The following SYTL5 variants were observed in gnomAD, a reference collection of about 807,000 sequenced individuals.
SYTL5 encodes synaptotagmin like 5.
Under a neutral mutation model 55.9 loss-of-function variants are expected in SYTL5, and 34 were observed. The observed-to-expected ratio is 0.61, with a 90% CI of 0.46 to 0.81. The LOEUF (loss-of-function observed/expected upper bound fraction) is 0.81, where lower values mean the gene tolerates loss of function less well. SYTL5 is among the 30% of genes least tolerant of loss of function. The pLI, the probability that SYTL5 is intolerant of heterozygous loss-of-function variation, is 0.00. For synonymous variants in SYTL5, 221 were observed against 188.7 expected (o/e 1.17, Z -1.40); for missense variants, 637 against 546.7 (o/e 1.17, Z -1.65).
chrX:37,974,125 T>C, the SYTL5 span, among the ~76,000 whole-genome samples: 1 of 111,565 alleles, frequency 9.0e-6, no homozygotes, highest in Non-Finnish European at 1.9e-5. Flanking sequence ...AGAGATATAA[T>C]GTACAGTATG....
intron 1 of SYTL5, among the ~76,000 whole-genome samples, chrX:38,009,610 T>G (rs901642421): frequency 9.0e-6 from 1 of 111,719 alleles, no homozygotes; most frequent in African/African-American, 3.3e-5. Flanking sequence ...TATTTTTTTC[T>G]TTTATTCTCT....
At chrX:37,953,403 C>T in the SYTL5 span, among the ~76,000 whole-genome samples, 1 of 111,141 alleles carries the variant, frequency 9.0e-6, no homozygotes, top group Non-Finnish European at 1.9e-5. Context: ...TTGATTTAAG[C>T]CAAAGAGTAG....
chrX:38,097,466 G>A (rs1300287393), intron 9 of SYTL5, among the ~76,000 whole-genome samples: 1 of 110,578 alleles, frequency 9.0e-6, no homozygotes, highest in African/African-American at 3.3e-5. Context: ...ATAATAGCAT[G>A]AAAAATATTT....
chrX:37,930,078 T>C, the SYTL5 span, among the ~76,000 whole-genome samples: 177 of 110,912 alleles, frequency 1.6e-3, 1 homozygote, highest in Non-Finnish European at 7.8e-4. Flanking sequence ...TATAAAAGGG[T>C]AAGGGCACCT....
At chrX:38,108,781 T>C in intron 12 of SYTL5, 82 bp downstream of exon 12, 1 of 593,971 alleles carries the variant, frequency 1.7e-6, no homozygotes, top group Non-Finnish European at 2.7e-6. Context: ...GAGAATATTT[T>C]ATTTGTGTGT....
At chrX:37,943,106 C>T in the SYTL5 span, among the ~76,000 whole-genome samples, 8 of 112,028 alleles carry the variant, frequency 7.1e-5, no homozygotes, top group African/African-American at 2.6e-4. Flanking sequence ...TTGAATCATT[C>T]CCCTAGAGAG....
At chrX:38,072,692 G>A (rs1244350990) in intron 4 of SYTL5, among the ~76,000 whole-genome samples, 1 of 111,837 alleles carries the variant, frequency 8.9e-6, no homozygotes, top group African/African-American at 3.3e-5. Flanking sequence ...AATGGCATTT[G>A]GTGGGAAGGA....
At position 38,113,541 on chromosome X, in the gene SYTL5, G is replaced by T. The variant is rs768507109; in HGVS notation, c.1596+3059G>T. ...TTTTTTCAGAAAGCAGGAGGTGGTG[G>T]GTGTCATCTGCTTATTTCACATCCA... is the stretch of plus-strand genomic sequence containing the variant. On this transcript the variant is annotated intron_variant, in intron 13 of 16. Transcript: ENST00000297875. Among the ~76,000 whole-genome samples the T allele has an allele frequency of 9.0e-5, 10 of 110,586 alleles. No individual in the cohort carries two copies. In the South Asian group the frequency reaches 4.1e-3, roughly 45 times the overall value.
At chrX:38,077,638 G>A (rs752774974) in intron 6 of SYTL5, among the ~76,000 whole-genome samples, 2 of 109,064 alleles carry the variant, frequency 1.8e-5, no homozygotes, top group African/African-American at 3.3e-5. Flanking sequence ...GCATGCAAGC[G>A]TTACTTTATG....
At chrX:37,943,003 C>G in the SYTL5 span, among the ~76,000 whole-genome samples, 1 of 111,660 alleles carries the variant, frequency 9.0e-6, no homozygotes, top group African/African-American at 3.3e-5. Context: ...AAAATTTGAG[C>G]AAGGGTCCTC....
chrX:37,903,263 C>T, the SYTL5 span, among the ~76,000 whole-genome samples: 21 of 101,383 alleles, frequency 2.1e-4, no homozygotes, highest in East Asian at 9.3e-4. Context: ...ATGTTTATTG[C>T]GGCACTATTC....
the SYTL5 span, among the ~76,000 whole-genome samples, chrX:37,955,651 C>T: frequency 8.1e-5 from 9 of 111,624 alleles, no homozygotes; most frequent in African/African-American, 9.8e-5. Context: ...ATACACTGGC[C>T]GGGAAATGTA....
At chrX:38,006,172 C>T (rs927072), upstream of SYTL5, among the ~76,000 whole-genome samples, 59,425 of 110,005 alleles carry the variant, frequency 0.54, 12,851 homozygotes, top group African/African-American at 0.82. Context: ...TAATATTATA[C>T]ACCTAACACA....
intron 6 of SYTL5, among the ~76,000 whole-genome samples, chrX:38,080,580 C>A (rs751874834): frequency 8.9e-6 from 1 of 111,791 alleles, no homozygotes; most frequent in South Asian, 3.8e-4. Context: ...CCATTCAAAC[C>A]AGCCCTTAGC....
the SYTL5 span, among the ~76,000 whole-genome samples, chrX:37,958,612 T>C: frequency 8.9e-6 from 1 of 111,909 alleles, no homozygotes; most frequent in Non-Finnish European, 1.9e-5. Context: ...ATGCAAAATG[T>C]ATTAATTCCA....
At chrX:38,000,339 T>G in the SYTL5 span, among the ~76,000 whole-genome samples, 1 of 112,243 alleles carries the variant, frequency 8.9e-6, no homozygotes, top group Non-Finnish European at 1.9e-5. Flanking sequence ...CCCAAAAGTC[T>G]ATTTTTTGAA....
chrX:38,041,991 C>T (rs1404082327), intron 2 of SYTL5, among the ~76,000 whole-genome samples: 2 of 110,614 alleles, frequency 1.8e-5, no homozygotes, highest in African/African-American at 6.6e-5. Context: ...TAATTATTCT[C>T]TTCTAGCTAT....
At chrX:38,107,914 T>C (rs759132278) in intron 11 of SYTL5, among the ~76,000 whole-genome samples, 11 of 112,499 alleles carry the variant, frequency 9.8e-5, no homozygotes, top group African/African-American at 3.5e-4. Flanking sequence ...TAGCATCTTA[T>C]ACATTTCAGC....
At chrX:38,058,846 T>A (rs1226823255) in intron 3 of SYTL5, among the ~76,000 whole-genome samples, 1 of 111,425 alleles carries the variant, frequency 9.0e-6, no homozygotes, top group East Asian at 2.8e-4. Flanking sequence ...TTTGTCATAT[T>A]TGAAAACTTC....
Sources: gnomAD v4.1 joint callset for allele counts (sites outside exome capture counted in the v4.1 genomes callset) on GRCh38, gnomAD v4.1.1 for gene constraint, MANE v1.5 for transcripts, NCBI Gene and HGNC (gene_info 2026-07-23, HGNC 2026-07-21) for gene names.